RASAL2: variants seen among roughly 807,000 people sequenced by gnomAD.
RASAL2 encodes the protein RAS protein activator like 2.
RASAL2 carries 58 observed loss-of-function variants against 128.9 expected under a neutral mutation model. The observed-to-expected ratio is 0.45, with a 90% CI of 0.36 to 0.56. RASAL2 has a LOEUF of 0.56. Ranked by LOEUF, RASAL2 falls within the 20% of genes least tolerant of loss-of-function variation. RASAL2 has a pLI of 0.00. For missense variants in RASAL2, 1,360 were observed against 1,601.6 expected, an observed-to-expected ratio of 0.85 and a Z score of 2.57; for synonymous variants, 561 against 580.8, an observed-to-expected ratio of 0.97 and a Z score of 0.49.
intron 1 of RASAL2, among the ~76,000 whole-genome samples, chr1:178,171,866 A>G (rs1244386995): frequency 6.6e-6 from 1 of 151,972 alleles, no homozygotes; most frequent in Admixed American, 6.6e-5. Context: ...GTATTTTCAA[A>G]AGGATTTATC....
chr1:178,281,992 C>T (rs1666803199), intron 1 of RASAL2, among the ~76,000 whole-genome samples: 1 of 152,056 alleles, frequency 6.6e-6, no homozygotes, highest in South Asian at 2.1e-4. Flanking sequence ...ACTAAAGATG[C>T]AGTTCTAACA....
At chr1:178,201,928 C>A (rs1034544276) in intron 1 of RASAL2, among the ~76,000 whole-genome samples, 1 of 152,122 alleles carries the variant, frequency 6.6e-6, no homozygotes, top group Non-Finnish European at 1.5e-5. Context: ...AGGCCGGGTC[C>A]CCTTGAAGAA....
chr1:178,328,544 A>G (rs922576696), intron 3 of RASAL2, among the ~76,000 whole-genome samples: 4 of 152,226 alleles, frequency 2.6e-5, no homozygotes, highest in African/African-American at 9.6e-5. Context: ...TCTCAAATTC[A>G]TCTCTTTATG....
intron 5 of RASAL2, among the ~76,000 whole-genome samples, 168 bp from the exon 6 acceptor site, chr1:178,439,254 A>G (rs1451936973): frequency 6.6e-6 from 1 of 152,126 alleles, no homozygotes; most frequent in Non-Finnish European, 1.5e-5. Flanking sequence ...TATATTTGCC[A>G]CATAAATATG....
chr1:178,138,934 T>A (rs1660433576), intron 1 of RASAL2, among the ~76,000 whole-genome samples: 1 of 152,130 alleles, frequency 6.6e-6, no homozygotes, highest in Non-Finnish European at 1.5e-5. Context: ...TTATTTATAA[T>A]TTTAAGATTA....
chr1:178,329,023 A>AT (rs1412807407), intron 3 of RASAL2, among the ~76,000 whole-genome samples: 1 of 152,034 alleles, frequency 6.6e-6, no homozygotes, highest in Non-Finnish European at 1.5e-5. Flanking sequence ...TCAAATATAT[A>AT]TTTTTTAATT....
intron 8 of RASAL2, 67 bp from the exon 9 acceptor site, chr1:178,445,451 A>G: frequency 6.9e-7 from 1 of 1,458,606 alleles, no homozygotes. Flanking sequence ...CTGATATTTC[A>G]AAAGTCTCTT....
chr1:178,333,248 C>T (rs1042899625), intron 3 of RASAL2, among the ~76,000 whole-genome samples: 2 of 151,828 alleles, frequency 1.3e-5, no homozygotes, highest in Admixed American at 6.6e-5. Context: ...AGGATGGTCT[C>T]GATCTCCTGA....
chr1:178,231,559 T>C (rs1180963060), intron 1 of RASAL2, among the ~76,000 whole-genome samples: 2 of 152,202 alleles, frequency 1.3e-5, no homozygotes, highest in African/African-American at 4.8e-5. Context: ...CTTATTACCA[T>C]TTTCCTGTAT....
intron 15 of RASAL2, among the ~76,000 whole-genome samples, chr1:178,464,831 GT>G (rs986789340): frequency 0.045 from 1,733 of 38,214 alleles, 6 homozygotes; most frequent in African/African-American, 0.12. Flanking sequence ...GGTTTTAGTT[GT>G]TTTTTTTTTT....
At chr1:178,252,261 A>C (rs1219596819) in intron 1 of RASAL2, among the ~76,000 whole-genome samples, 1 of 152,132 alleles carries the variant, frequency 6.6e-6, no homozygotes, top group Non-Finnish European at 1.5e-5. Flanking sequence ...TGCATTTTAC[A>C]TTGAAATAAT....
At chr1:178,165,672 A>G (rs984973131) in intron 1 of RASAL2, among the ~76,000 whole-genome samples, 1 of 152,172 alleles carries the variant, frequency 6.6e-6, no homozygotes, top group Non-Finnish European at 1.5e-5. Flanking sequence ...TATTGAGTCA[A>G]CTTTTAGAGC....
chr1:178,228,141 T>A (rs1295681429), intron 1 of RASAL2, among the ~76,000 whole-genome samples: 12 of 152,336 alleles, frequency 7.9e-5, no homozygotes, highest in African/African-American at 2.4e-4. Flanking sequence ...ATCTGAGTCT[T>A]CACCTTTATT....
chr1:178,115,925 A>G (rs547457396), intron 1 of RASAL2, among the ~76,000 whole-genome samples: 1 of 152,176 alleles, frequency 6.6e-6, no homozygotes, highest in East Asian at 1.9e-4. Context: ...AGAGATAGAG[A>G]GATGTGTGAA....
chr1:178,418,486 G>A (rs1674919912), intron 4 of RASAL2, among the ~76,000 whole-genome samples: 1 of 152,038 alleles, frequency 6.6e-6, no homozygotes, highest in Admixed American at 6.6e-5. Context: ...AACAGCCTAG[G>A]GTATTATGTC....
In RASAL2 at chr1:178,144,999, GT is replaced by G. The variant is rs369189094; in HGVS notation, c.202+50309del. 8.5e-4 allele frequency among the ~76,000 whole-genome samples: 129 copies of G among 152,264 alleles called. 3 individuals are homozygous for G. The South Asian group carries it at 0.026, about 31-fold the overall frequency. ...AAGTTTAACATCTTTGTAAAAATATGTTTTAAGTTCTGGGCCATTGATTTTG... is the reference window on the plus strand; with the variant it reads ...AAGTTTAACATCTTTGTAAAAATATGTTTAAGTTCTGGGCCATTGATTTTG... On this transcript the variant is annotated intron_variant, in intron 1 of 17. Coordinates refer to ENST00000367649, the MANE Select transcript of RASAL2 (RefSeq NM_170692.4).
At chr1:178,348,869 G>A (rs1382510856) in intron 3 of RASAL2, among the ~76,000 whole-genome samples, 2 of 149,562 alleles carry the variant, frequency 1.3e-5, no homozygotes, top group Admixed American at 6.7e-5. Flanking sequence ...GCGCGATCTC[G>A]GCTCACTGCA....
chr1:178,329,401 C>T (rs1242520552), intron 3 of RASAL2, among the ~76,000 whole-genome samples: 2 of 152,124 alleles, frequency 1.3e-5, no homozygotes, highest in Admixed American at 1.3e-4. Context: ...ATTTAATAGG[C>T]CTGTGAAGTG....
rs559436780 is a variant in RASAL2, at chr1:178,291,249, G to A, written c.330+7558G>A. On this transcript the variant is annotated intron_variant, in intron 2 of 17. Transcript: ENST00000367649. ...TGGAACATAGTTTGCAAGAGGAAAA[G>A]TGATAGCTAGCAAGAACTAGGTAAT... Among the ~76,000 whole-genome samples the A allele has an allele frequency of 2.0e-5, 3 of 152,316 alleles. No homozygotes were observed. In the East Asian group the frequency reaches 5.8e-4, roughly 29 times the overall value.
Sources: allele counts gnomAD v4.1 joint callset (sites outside exome capture counted in the v4.1 genomes callset), GRCh38; gene constraint gnomAD v4.1.1; transcripts MANE v1.5; gene names NCBI Gene and HGNC (gene_info 2026-07-23, HGNC 2026-07-21).